Variants in SBF2 observed in about 807,000 individuals in gnomAD.
SBF2 encodes the protein myotubularin-related protein 13.
In SBF2, 112 loss-of-function variants were observed where a neutral mutation model predicts 225.2. That is an observed-to-expected ratio of 0.50 (90% CI 0.43 to 0.58). The LOEUF (loss-of-function observed/expected upper bound fraction) is 0.58, where lower values mean the gene tolerates loss of function less well. Ranked by LOEUF, SBF2 falls within the 20% of genes least tolerant of loss-of-function variation. SBF2 has a pLI of 0.00. For missense variants in SBF2, 1,996 were observed against 2,206.2 expected (o/e 0.90, Z 1.91); for synonymous variants, 763 against 773.3 (o/e 0.99, Z 0.22).
intron 1 of SBF2, among the ~76,000 whole-genome samples, chr11:10,218,319 C>A (rs1958207576): frequency 2.5e-5 from 1 of 39,410 alleles, no homozygotes; most frequent in Non-Finnish European, 4.7e-5. Context: ...AGGAAAGACC[C>A]ACCCCCCCCC....
At chr11:10,039,735 G>T (rs1949580953) in intron 3 of SBF2, among the ~76,000 whole-genome samples, 1 of 151,842 alleles carries the variant, frequency 6.6e-6, no homozygotes, top group Admixed American at 6.6e-5. Context: ...AGAAATGGCT[G>T]ATTTCAAGGC....
At chr11:9,982,463 T>C (rs1243952309) in intron 13 of SBF2, among the ~76,000 whole-genome samples, 1 of 152,194 alleles carries the variant, frequency 6.6e-6, no homozygotes, top group Non-Finnish European at 1.5e-5. Context: ...TATCTCATAA[T>C]TTACAATCCA....
intron 2 of SBF2, among the ~76,000 whole-genome samples, chr11:10,106,210 A>T (rs1952546180): frequency 1.3e-5 from 2 of 152,338 alleles, no homozygotes; most frequent in South Asian, 2.1e-4. Flanking sequence ...AGTTTTTAAT[A>T]GGTGTAGTTC....
At chr11:10,281,210 T>C (rs1963385122) in intron 1 of SBF2, among the ~76,000 whole-genome samples, 1 of 152,320 alleles carries the variant, frequency 6.6e-6, no homozygotes, top group East Asian at 1.9e-4. Context: ...AGGTCTGCTA[T>C]GACAATCCCA....
intron 1 of SBF2, among the ~76,000 whole-genome samples, chr11:10,250,510 T>TA (rs1297371763): frequency 6.6e-6 from 1 of 152,212 alleles, no homozygotes; most frequent in Non-Finnish European, 1.5e-5. Context: ...AAAATTAGTT[T>TA]AAAACCAATG....
intron 8 of SBF2, among the ~76,000 whole-genome samples, chr11:10,000,002 G>C (rs1461730527): frequency 6.6e-6 from 1 of 152,132 alleles, no homozygotes; most frequent in Non-Finnish European, 1.5e-5. Context: ...TTTTTCTCAG[G>C]CTCTCTGAAA....
At position 9,780,196 on chromosome 11, in the gene SBF2, T is replaced by G. The variant is rs150507261; in HGVS notation, c.*222A>C. 13 of 559,670 alleles carry G rather than the reference T, an allele frequency of 2.3e-5. No individual in the cohort carries two copies. The highest frequency in any genetic ancestry group is 2.1e-4 in the African/African-American group (11 of 53,216). 34.7% of individuals were successfully genotyped at this position (559,670 alleles called of 1,614,324 possible). ...ACCACTAAGACCCTGTTAGAAAAATTTAGTGCAAGATACAGGGAGTGCATG... is the reference window on the plus strand; with the variant it reads ...ACCACTAAGACCCTGTTAGAAAAATGTAGTGCAAGATACAGGGAGTGCATG... On this transcript the variant is annotated 3_prime_UTR_variant, in exon 40 of 40. Coordinates refer to ENST00000256190, the MANE Select transcript of SBF2 (RefSeq NM_030962.4).
intron 2 of SBF2, among the ~76,000 whole-genome samples, chr11:10,102,845 A>T (rs1952369332): frequency 1.3e-5 from 2 of 152,240 alleles, no homozygotes; most frequent in African/African-American, 4.8e-5. Context: ...AAGTTTATGA[A>T]AATCTTACCT....
intron 2 of SBF2, among the ~76,000 whole-genome samples, chr11:10,076,240 C>A (rs555453696): frequency 1.3e-5 from 2 of 152,162 alleles, no homozygotes; most frequent in African/African-American, 4.8e-5. Context: ...AGTTGGAGAA[C>A]AGGGAGACTG....
At chr11:9,915,118 A>G (rs1043516988) in intron 16 of SBF2, among the ~76,000 whole-genome samples, 1 of 152,234 alleles carries the variant, frequency 6.6e-6, no homozygotes, top group African/African-American at 2.4e-5. Flanking sequence ...AGGATATGCT[A>G]GAAATGTTTC....
At chr11:9,780,858 G>A (rs2133840221) in intron 39 of SBF2, 1 of 346,684 alleles carries the variant, frequency 2.9e-6, no homozygotes, top group South Asian at 2.5e-5. Context: ...GAAGGTGAGG[G>A]AGCTCCTTGT....
At chr11:10,035,195 C>T (rs371965845) in intron 3 of SBF2, among the ~76,000 whole-genome samples, 12 of 151,938 alleles carry the variant, frequency 7.9e-5, no homozygotes, top group African/African-American at 1.7e-4. Flanking sequence ...AGGATAGTCT[C>T]GATCTCCTGA....
At chr11:9,984,233 A>T (rs1947093584) in intron 13 of SBF2, among the ~76,000 whole-genome samples, 1 of 152,198 alleles carries the variant, frequency 6.6e-6, no homozygotes, top group Non-Finnish European at 1.5e-5. Context: ...TTAAAGAGAA[A>T]ACAATAAAAA....
chr11:10,120,560 T>C (rs1407837196), intron 2 of SBF2, among the ~76,000 whole-genome samples: 2 of 152,192 alleles, frequency 1.3e-5, no homozygotes, highest in Non-Finnish European at 1.5e-5. Flanking sequence ...TTCCTGCTAA[T>C]AGGGCAAAAG....
intron 13 of SBF2, among the ~76,000 whole-genome samples, chr11:9,984,762 T>G (rs185099146): frequency 4.6e-5 from 7 of 152,346 alleles, no homozygotes; most frequent in African/African-American, 1.7e-4. Flanking sequence ...TAGAAGAGAC[T>G]GGAGCCCTAT....
At chr11:10,041,441 C>T (rs1949654600) in intron 3 of SBF2, among the ~76,000 whole-genome samples, 1 of 152,150 alleles carries the variant, frequency 6.6e-6, no homozygotes, top group South Asian at 2.1e-4. Context: ...AAGTATTTAA[C>T]ATCAAATATC....
At chr11:9,784,466 A>C (rs1852236938) in intron 37 of SBF2, 28 bp from the exon 38 acceptor site, 1 of 1,534,532 alleles carries the variant, frequency 6.5e-7, no homozygotes, top group South Asian at 1.1e-5. Context: ...AGGAGAGTTA[A>C]TTTTGATTTA....
chr11:9,828,488 C>A (rs1397033920), intron 28 of SBF2: 3 of 985,272 alleles, frequency 3.0e-6, no homozygotes, highest in African/African-American at 1.7e-5. Context: ...TGTTATTTTA[C>A]AAGAAAAGCC....
intron 2 of SBF2, among the ~76,000 whole-genome samples, chr11:10,102,525 G>A (rs767749612): frequency 6.6e-6 from 1 of 152,170 alleles, no homozygotes; most frequent in African/African-American, 2.4e-5. Flanking sequence ...TATGGTTTTC[G>A]TGAAAGACAA....
Sources: gnomAD v4.1 joint callset for allele counts (sites outside exome capture counted in the v4.1 genomes callset) on GRCh38, gnomAD v4.1.1 for gene constraint, MANE v1.5 for transcripts, NCBI Gene and HGNC (gene_info 2026-07-23, HGNC 2026-07-21) for gene names.